The following HERC3 variants were observed in gnomAD, a reference collection of about 807,000 sequenced individuals.
The protein encoded by HERC3 is probable E3 ubiquitin-protein ligase HERC3.
HERC3 carries 58 observed loss-of-function variants against 129.9 expected under a neutral mutation model. The observed-to-expected ratio is 0.45, with a 90% confidence interval of 0.36 to 0.56. The LOEUF (loss-of-function observed/expected upper bound fraction) is 0.56, where lower values mean the gene tolerates loss of function less well. HERC3 is among the 20% of genes least tolerant of loss of function. HERC3 has a pLI of 0.00. For missense variants in HERC3, 835 were observed against 1,244.2 expected, an observed-to-expected ratio of 0.67 and a Z score of 4.95; for synonymous variants, 430 against 451.0, an observed-to-expected ratio of 0.95 and a Z score of 0.59.
intron 3 of HERC3, among the ~76,000 whole-genome samples, chr4:88,618,950 CCTT>C (rs1292067457): frequency 6.6e-6 from 1 of 151,986 alleles, no homozygotes; most frequent in Non-Finnish European, 1.5e-5. Flanking sequence ...TGTCTGGAGA[CCTT>C]CTTAGACTGA....
At chr4:88,551,292 T>C in the HERC3 span, among the ~76,000 whole-genome samples, 1 of 151,322 alleles carries the variant, frequency 6.6e-6, no homozygotes, top group South Asian at 2.1e-4. Context: ...TGGGATCTAA[T>C]TAAACTAAAG....
the HERC3 span, among the ~76,000 whole-genome samples, chr4:88,570,049 G>T: frequency 6.6e-6 from 1 of 152,210 alleles, no homozygotes; most frequent in African/African-American, 2.4e-5. Flanking sequence ...GTGGCAGATA[G>T]GTAGGAGAAA....
At chr4:88,668,417 A>T (rs142004610) in intron 14 of HERC3, 1 of 259,814 alleles carries the variant, frequency 3.8e-6, no homozygotes, top group Admixed American at 5.4e-5. Context: ...TCCTATGTCT[A>T]ATTTAGGGGG....
chr4:88,612,942 A>G (rs569475325), intron 3 of HERC3, among the ~76,000 whole-genome samples: 18 of 152,280 alleles, frequency 1.2e-4, no homozygotes, highest in African/African-American at 4.1e-4. Context: ...AGGATTCAAT[A>G]AATACCTTAA....
chr4:88,698,623 G>GGA (rs1413329185), intron 23 of HERC3, among the ~76,000 whole-genome samples: 1 of 148,086 alleles, frequency 6.8e-6, no homozygotes, highest in Non-Finnish European at 1.5e-5. Flanking sequence ...TCTTATCTTG[G>GGA]TTAAAGCATG....
chr4:88,547,122 T>C, the HERC3 span, among the ~76,000 whole-genome samples: 3 of 152,200 alleles, frequency 2.0e-5, no homozygotes, highest in African/African-American at 7.2e-5. Context: ...ATATTATGTT[T>C]AATAATGAAA....
chr4:88,607,925 A>G (rs528621722), intron 3 of HERC3, among the ~76,000 whole-genome samples: 1 of 152,352 alleles, frequency 6.6e-6, no homozygotes, highest in South Asian at 2.1e-4. Flanking sequence ...TTGTCACACT[A>G]GCATAGGTGT....
chr4:88,652,768 G>T lies in HERC3; in HGVS notation c.464-101G>T, dbSNP rs1055895050. 3 of 1,226,410 alleles carry T rather than the reference G, an allele frequency of 2.4e-6. No homozygotes were observed. In the African/African-American group the frequency reaches 4.5e-5, roughly 19 times the overall value. The allele number at this position is 1,226,410 out of a possible 1,614,324, so 76.0% of individuals were successfully genotyped here. On this transcript the variant is annotated intron_variant, in intron 5 of 25. Transcript: ENST00000402738. ...TGTTCCTTTGCTCTTGGGTGGGTTT[G>T]GTGTTGGGGGGCAACTGGCAAATGA...
intron 3 of HERC3, among the ~76,000 whole-genome samples, chr4:88,610,213 G>A (rs183696521): frequency 2.0e-5 from 3 of 152,278 alleles, no homozygotes; most frequent in African/African-American, 7.2e-5. Flanking sequence ...CCCGCACATT[G>A]GGAAGCCGAG....
the HERC3 span, among the ~76,000 whole-genome samples, chr4:88,528,551 C>T: frequency 1.3e-5 from 2 of 152,084 alleles, no homozygotes; most frequent in African/African-American, 4.8e-5. Context: ...GTGTCATGCC[C>T]AGTCTGCTCT....
intron 3 of HERC3, among the ~76,000 whole-genome samples, chr4:88,636,089 A>G (rs1426030241): frequency 3.3e-5 from 5 of 152,326 alleles, no homozygotes; most frequent in East Asian, 3.9e-4. Context: ...AACGGCATCA[A>G]TTACCATGCA....
chr4:88,677,413 G>C (rs1732283498), intron 18 of HERC3, among the ~76,000 whole-genome samples: 2 of 152,056 alleles, frequency 1.3e-5, no homozygotes, highest in African/African-American at 2.4e-5. Flanking sequence ...ACCATTGGTA[G>C]ATACAGATAC....
the HERC3 span, among the ~76,000 whole-genome samples, chr4:88,585,325 C>T: frequency 6.6e-6 from 1 of 152,136 alleles, no homozygotes. Flanking sequence ...ACATGTCCAT[C>T]TTGTAGTTGG....
At chr4:88,555,871 T>G in the HERC3 span, among the ~76,000 whole-genome samples, 2 of 152,152 alleles carry the variant, frequency 1.3e-5, no homozygotes, top group Non-Finnish European at 2.9e-5. Flanking sequence ...GGTGACCTGT[T>G]AAGCTCCAGT....
At chr4:88,686,688 A>C (rs377544599) in intron 21 of HERC3, 48 bp from the exon 22 acceptor site, 1 of 1,175,874 alleles carries the variant, frequency 8.5e-7, no homozygotes, top group African/African-American at 1.5e-5. Context: ...ACACTGTTGC[A>C]GCAGTGTCTG....
chr4:88,586,993 G>A, the HERC3 span, among the ~76,000 whole-genome samples: 1 of 152,178 alleles, frequency 6.6e-6, no homozygotes, highest in Non-Finnish European at 1.5e-5. Context: ...CCAACAGAAA[G>A]AGATAAACAG....
intron 9 of HERC3, chr4:88,656,529 C>G: frequency 6.4e-6 from 1 of 156,840 alleles, no homozygotes; most frequent in Non-Finnish European, 1.4e-5. Flanking sequence ...GCTCACTTAT[C>G]ACCAAGGGGA....
intron 19 of HERC3, among the ~76,000 whole-genome samples, chr4:88,679,603 T>C (rs1373585024): frequency 6.6e-6 from 1 of 150,582 alleles, no homozygotes; most frequent in East Asian, 2.0e-4. Context: ...CACTGCAACC[T>C]CTGCCTCCCA....
intron 3 of HERC3, among the ~76,000 whole-genome samples, chr4:88,633,388 T>C (rs1158311969): frequency 6.6e-6 from 1 of 152,184 alleles, no homozygotes; most frequent in Non-Finnish European, 1.5e-5. Flanking sequence ...AAGATTACTG[T>C]AACTTAAAGG....
Sources: allele counts gnomAD v4.1 joint callset (sites outside exome capture counted in the v4.1 genomes callset), GRCh38; gene constraint gnomAD v4.1.1; transcripts MANE v1.5; gene names NCBI Gene and HGNC (gene_info 2026-07-23, HGNC 2026-07-21).